The following XRCC1 variants were observed in gnomAD, a reference collection of about 807,000 sequenced individuals.
XRCC1 encodes the protein X-ray repair cross complementing 1.
A neutral mutation model predicts 83.3 loss-of-function variants in XRCC1; 52 were observed. The ratio of observed to expected loss-of-function variants is 0.62; its 90% CI spans 0.50 to 0.79. The LOEUF is 0.79. XRCC1 is among the 30% of genes least tolerant of loss of function. XRCC1 has a pLI of 0.00. For synonymous variants in XRCC1, 281 were observed against 312.6 expected (o/e 0.90, Z 1.07); for missense variants, 793 against 823.5 (o/e 0.96, Z 0.45).
intron 2 of XRCC1, among the ~76,000 whole-genome samples, chr19:43,568,905 T>A (rs1223789694): frequency 6.6e-6 from 1 of 151,336 alleles, no homozygotes; most frequent in Non-Finnish European, 1.5e-5. Context: ...AAAACCCCAA[T>A]GGCCAGGTCT....
intron 14 of XRCC1, among the ~76,000 whole-genome samples, chr19:43,545,499 C>A (rs1972499189): frequency 6.6e-6 from 1 of 152,144 alleles, no homozygotes; most frequent in Non-Finnish European, 1.5e-5. Flanking sequence ...GGCACCTGAG[C>A]AAGTGAAGCA....
At chr19:43,564,282 T>C (rs1347077211) in intron 2 of XRCC1, among the ~76,000 whole-genome samples, 1 of 152,128 alleles carries the variant, frequency 6.6e-6, no homozygotes, top group Non-Finnish European at 1.5e-5. Flanking sequence ...TTTGCAGAAG[T>C]TACTACTCAA....
rs1600049412 is a variant in XRCC1, at chr19:43,553,461, T to C, written c.541A>G (p.Ser181Gly). Reference sequence around the variant, plus strand: ...GCCCCCGGCCTCAGAGAGTTGGCGCTCTCATCCTCCTCCTTCACACGGAAC... The same window carrying C: ...GCCCCCGGCCTCAGAGAGTTGGCGCCCTCATCCTCCTCCTTCACACGGAAC... ...GQFRVKEEDE[S>G]ANSLRPGALF... The change falls in exon 6 of 17, where the codon AGC becomes GGC. Residue 181 changes from serine (S) to glycine (G), a missense_variant. Transcript: ENST00000262887. 6.2e-7 allele frequency: 1 copy of C among 1,614,124 alleles called. No homozygotes were observed. Among genetic ancestry groups the C allele is most frequent in the South Asian group, 1.1e-5 (1 of 91,074 alleles).
chr19:43,549,759 C>T (rs1189734054), intron 10 of XRCC1, among the ~76,000 whole-genome samples: 6 of 152,074 alleles, frequency 3.9e-5, no homozygotes, highest in African/African-American at 1.4e-4. Flanking sequence ...GGTCTCACCA[C>T]GTTGCCTGCA....
At chr19:43,553,737 G>A (rs1175461955) in intron 4 of XRCC1, 54 bp from the exon 5 acceptor site, 6 of 1,422,844 alleles carry the variant, frequency 4.2e-6, no homozygotes, top group Non-Finnish European at 4.8e-6. Flanking sequence ...AGAGGCCAGG[G>A]CCCAAGACCC....
intron 8 of XRCC1, among the ~76,000 whole-genome samples, chr19:43,552,596 C>G (rs1481513039): frequency 6.6e-6 from 1 of 150,794 alleles, no homozygotes; most frequent in African/African-American, 2.4e-5. Context: ...CCCCTCCTCC[C>G]TCAGACCCAG....
intron 2 of XRCC1, among the ~76,000 whole-genome samples, chr19:43,565,822 C>T (rs1972746709): frequency 6.6e-6 from 1 of 151,984 alleles, no homozygotes; most frequent in African/African-American, 2.4e-5. Context: ...CTCAATAATC[C>T]CAGCTACTCA....
intron 1 of XRCC1, among the ~76,000 whole-genome samples, 156 bp from the exon 2 acceptor site, chr19:43,575,158 A>G (rs1972843845): frequency 6.6e-6 from 1 of 152,120 alleles, no homozygotes; most frequent in African/African-American, 2.4e-5. Flanking sequence ...AGTTTCCCCT[A>G]CAACACTTTC....
rs767260634 is a variant in XRCC1, at chr19:43,553,061, T to C, written c.632A>G (p.Tyr211Cys). The change falls in exon 7 of 17, where the codon TAT becomes TGT. Residue 211 changes from tyrosine (Y) to cysteine (C), a missense_variant. Tyr to Cys is a radical substitution (Grantham distance 194). Transcript: ENST00000262887. ...AGAAGCCTGGAGGGTAGCAGCTGCA[T>C]AGCTAGGTCCTGCTGGGTCGCTGGC... is the stretch of plus-strand genomic sequence containing the variant. ...VTASDPAGPS[Y>C]AAATLQASSA... 38 of 1,591,074 alleles carry C rather than the reference T, an allele frequency of 2.4e-5. No individual in the cohort carries two copies. Among genetic ancestry groups the C allele is most frequent in the Non-Finnish European group, 3.1e-5 (36 of 1,169,066 alleles).
intron 2 of XRCC1, among the ~76,000 whole-genome samples, chr19:43,562,132 C>T (rs1481406722): frequency 7.4e-5 from 10 of 135,240 alleles, no homozygotes; most frequent in Admixed American, 2.5e-4. Flanking sequence ...GGTGACAGAG[C>T]GAGACTCTGT....
chr19:43,562,495 G>C (rs1229698755), intron 2 of XRCC1, among the ~76,000 whole-genome samples: 1 of 152,136 alleles, frequency 6.6e-6, no homozygotes, highest in East Asian at 1.9e-4. Context: ...TCTATAACCA[G>C]CACTTTGGGA....
In XRCC1 at chr19:43,559,196, G is replaced by C. The variant is rs1972669877; in HGVS notation, c.255+1714C>G. 2.0e-5 allele frequency among the ~76,000 whole-genome samples: 3 copies of C among 151,206 alleles called. No homozygotes were observed. The Admixed American group carries it at 2.0e-4, about 10-fold the overall frequency. On this transcript the variant is annotated intron_variant, in intron 3 of 16. Coordinates refer to ENST00000262887, the MANE Select transcript of XRCC1 (RefSeq NM_006297.3). ...TCAACAAACATATAAAAAAGATACA[G>C]AAAAGGGCCGGGTGCGGTGGCTCAC...
intron 2 of XRCC1, among the ~76,000 whole-genome samples, chr19:43,566,897 A>AAT (rs71169262): frequency 6.6e-6 from 1 of 151,080 alleles, no homozygotes; most frequent in Non-Finnish European, 1.5e-5. Context: ...AAAAAAAAAA[A>AAT]GGTTTATATA....
intron 2 of XRCC1, among the ~76,000 whole-genome samples, chr19:43,569,619 C>T (rs1013617537): frequency 6.6e-6 from 1 of 151,880 alleles, no homozygotes; most frequent in African/African-American, 2.4e-5. Flanking sequence ...CCTGTCTCTA[C>T]TAAATACAAA....
intron 3 of XRCC1, among the ~76,000 whole-genome samples, chr19:43,558,271 G>T (rs941300219): frequency 3.9e-5 from 6 of 152,126 alleles, no homozygotes; most frequent in Non-Finnish European, 7.3e-5. Flanking sequence ...GGAGGACAAG[G>T]CTGCAGTGAG....
At position 43,553,528 on chromosome 19, in the gene XRCC1, G is replaced by A. The variant is rs1349032053; in HGVS notation, c.490-16C>T. ...CTGTCACCTTCTAAGGTCCCGCAAG[G>A]TCAGTATTATAGGTGGGCTGCTGGC... On this transcript the variant is annotated splice_polypyrimidine_tract_variant and intron_variant, in intron 5 of 16. Coordinates refer to ENST00000262887, the MANE Select transcript of XRCC1 (RefSeq NM_006297.3). 9 of 1,614,064 alleles carry A rather than the reference G, an allele frequency of 5.6e-6. No individual in the cohort carries two copies. Among genetic ancestry groups the A allele is most frequent in the Non-Finnish European group, 7.6e-6 (9 of 1,179,964 alleles).
chr19:43,569,633 T>C (rs1395251716), intron 2 of XRCC1, among the ~76,000 whole-genome samples: 1 of 151,800 alleles, frequency 6.6e-6, no homozygotes, highest in African/African-American at 2.4e-5. Flanking sequence ...ATACAAAAAA[T>C]TAGCCAGGCG....
intron 8 of XRCC1, 53 bp from the exon 9 acceptor site, chr19:43,552,328 G>T: frequency 7.3e-7 from 1 of 1,370,592 alleles, no homozygotes; most frequent in Non-Finnish European, 1.0e-6. Flanking sequence ...TCAACCCCCA[G>T]CCCCTCCTCC....
chr19:43,551,928 T>C (rs1426248965), intron 9 of XRCC1, 89 bp downstream of exon 9: 27 of 1,386,524 alleles, frequency 1.9e-5, no homozygotes, highest in South Asian at 1.7e-4. Flanking sequence ...GCATGCAGCA[T>C]AGTGGACACA....
Sources: gnomAD v4.1 joint callset for allele counts (sites outside exome capture counted in the v4.1 genomes callset) on GRCh38, gnomAD v4.1.1 for gene constraint, MANE v1.5 for transcripts, NCBI Gene and HGNC (gene_info 2026-07-23, HGNC 2026-07-21) for gene names.